Variants in EIF4A3 observed in about 807,000 individuals in gnomAD.
EIF4A3 encodes eukaryotic translation initiation factor 4A3.
Under a neutral mutation model 55.6 loss-of-function variants are expected in EIF4A3, and 1 was observed. The observed-to-expected ratio is 0.02, with a 90% CI of 0.01 to 0.09. EIF4A3 has a LOEUF of 0.09. Ranked by LOEUF, EIF4A3 falls within the 10% of genes least tolerant of loss-of-function variation. The pLI is 1.00. For missense variants in EIF4A3, 221 were observed against 540.7 expected (o/e 0.41, Z 5.86); for synonymous variants, 194 against 196.3 (o/e 0.99, Z 0.10).
intron 1 of EIF4A3, among the ~76,000 whole-genome samples, chr17:80,145,995 G>A (rs1461118322): frequency 1.3e-5 from 2 of 151,978 alleles, no homozygotes; most frequent in Non-Finnish European, 2.9e-5. Flanking sequence ...CAGACACCCA[G>A]AAGAATCTTT....
rs889915166 is a variant in EIF4A3, at chr17:80,134,556, G to GCT, written c.*932_*933dup. On this transcript the variant is annotated 3_prime_UTR_variant, in exon 12 of 12. Transcript: ENST00000649764. Reference sequence around the variant, plus strand: ...TAGAAAAATGAGGCCAGGCATGGTGGCTCACACCTGTTATCCCAGCACTTT... The same window carrying GCT: ...TAGAAAAATGAGGCCAGGCATGGTGGCTCTCACACCTGTTATCCCAGCACTTT... Among the ~76,000 whole-genome samples the GCT allele has an allele frequency of 1.2e-4, 19 of 152,046 alleles. No homozygotes were observed. The highest frequency in any genetic ancestry group is 4.6e-4 in the African/African-American group (19 of 41,388).
chr17:80,138,026 TG>T, intron 8 of EIF4A3, 115 bp downstream of exon 8: 1 of 1,376,886 alleles, frequency 7.3e-7, no homozygotes, highest in East Asian at 2.3e-5. Flanking sequence ...ACACATACCC[TG>T]AAAGCTTAAA....
chr17:80,142,608 G>T (rs993558708), intron 2 of EIF4A3, among the ~76,000 whole-genome samples: 1 of 152,168 alleles, frequency 6.6e-6, no homozygotes, highest in African/African-American at 2.4e-5. Flanking sequence ...AACCAGGAAC[G>T]GTGGCACATT....
In EIF4A3 at chr17:80,135,211, CAGT is replaced by C. The variant is rs1170663796; in HGVS notation, c.*276_*278del. On this transcript the variant is annotated 3_prime_UTR_variant, in exon 12 of 12. Transcript: ENST00000649764. ...GTGAGTGAAATGACCCAAGACTACA[CAGT>C]AAGTTACTAGAGAAGGTGGTGGCAC... 3 of 371,224 alleles carry C rather than the reference CAGT, an allele frequency of 8.1e-6. No individual in the cohort carries two copies. Among genetic ancestry groups the C allele is most frequent in the Non-Finnish European group, 1.4e-5 (3 of 207,090 alleles). 23.0% of individuals were successfully genotyped at this position (371,224 alleles called of 1,614,324 possible). A position where few individuals can be genotyped will look rare whatever the true frequency, so the allele number is the denominator to read the frequency against.
chr17:80,139,585 T>C, intron 6 of EIF4A3, 85 bp downstream of exon 6: 1 of 1,188,004 alleles, frequency 8.4e-7, no homozygotes, highest in East Asian at 2.4e-5. Context: ...TTCAGAACAG[T>C]CACTGGCTGT....
intron 7 of EIF4A3, chr17:80,138,743 T>C (rs1489647276): frequency 2.5e-6 from 1 of 407,990 alleles, no homozygotes; most frequent in African/African-American, 2.0e-5. Flanking sequence ...ACTATAGGCA[T>C]GTGCCGCCCT....
At chr17:80,139,771 ATACT>A (rs746500151) in intron 5 of EIF4A3, 21 bp from the exon 6 acceptor site, 17 of 1,607,292 alleles carry the variant, frequency 1.1e-5, no homozygotes, top group East Asian at 4.5e-5. Context: ...AGATTTTGAA[ATACT>A]TACGACAAAT....
chr17:80,138,372 A>G, intron 7 of EIF4A3, 92 bp from the exon 8 acceptor site: 1 of 1,501,074 alleles, frequency 6.7e-7, no homozygotes. Flanking sequence ...ACCCTGGTGG[A>G]AAAGGTCACA....
intron 2 of EIF4A3, among the ~76,000 whole-genome samples, chr17:80,142,161 A>G (rs150686057): frequency 6.4e-4 from 97 of 152,348 alleles, no homozygotes; most frequent in African/African-American, 2.1e-3. Context: ...TTTTCCTTCT[A>G]GGATTTTGGA....
rs568513503 is a variant in EIF4A3, at chr17:80,140,960, T to A, written c.372+359A>T. Among the ~76,000 whole-genome samples the A allele has an allele frequency of 2.6e-5, 4 of 152,136 alleles. No homozygotes were observed. In the South Asian group the frequency reaches 8.3e-4, roughly 32 times the overall value. ...ACAGGCGCCTGCCACCACGCCCAGC[T>A]AATTTTTTGTATTTTTAGTAGAGAC... On this transcript the variant is annotated intron_variant, in intron 4 of 11. Coordinates refer to ENST00000649764, the MANE Select transcript of EIF4A3 (RefSeq NM_014740.4).
At chr17:80,142,156 C>T (rs1347262604) in intron 2 of EIF4A3, among the ~76,000 whole-genome samples, 1 of 152,180 alleles carries the variant, frequency 6.6e-6, no homozygotes, top group Admixed American at 6.5e-5. Flanking sequence ...AACTCTTTTC[C>T]TTCTAGGATT....
chr17:80,135,543 C>CAAACAAAATGAAAATTTGTT, intron 11 of EIF4A3, 37 bp from the exon 12 acceptor site: 3 of 1,521,976 alleles, frequency 2.0e-6, no homozygotes, highest in Non-Finnish European at 2.7e-6. Flanking sequence ...AGGAACAACA[C>CAAACAAAATGAAAATTTGTT]AAACAAAATG....
At chr17:80,137,937 C>G (rs2039586294) in intron 8 of EIF4A3, among the ~76,000 whole-genome samples, 1 of 152,194 alleles carries the variant, frequency 6.6e-6, no homozygotes, top group Non-Finnish European at 1.5e-5. Context: ...GCTGATATCG[C>G]TGTTCTGTAA....
rs926415042 is a variant in EIF4A3 at position 80,134,517 on chromosome 17, CA to C, written c.*972del. Among the ~76,000 whole-genome samples the C allele has an allele frequency of 4.3e-4, 63 of 145,514 alleles. No individual in the cohort carries two copies. Among genetic ancestry groups the C allele is most frequent in the Admixed American group, 6.2e-4 (9 of 14,624 alleles). On this transcript the variant is annotated 3_prime_UTR_variant, in exon 12 of 12. Transcript: ENST00000649764. ...AGATCCTGGGCTCTCAAAAAAACAA[CA>C]AAAAAAAAAAATTAGAAAAATGAGG...
chr17:80,138,311 C>T lies in EIF4A3; in HGVS notation c.729-31G>A, dbSNP rs766794561. 8.1e-6 allele frequency: 13 copies of T among 1,610,552 alleles called. No homozygotes were observed. The South Asian group carries it at 1.1e-4, about 14-fold the overall frequency. On this transcript the variant is annotated intron_variant, in intron 7 of 11. Coordinates refer to ENST00000649764, the MANE Select transcript of EIF4A3 (RefSeq NM_014740.4). ...GGACAAAGACAAATCCTGTTACATA[C>T]TCATCCTTCCTTCTAGGACTTGAGG...
intron 7 of EIF4A3, 36 bp from the exon 8 acceptor site, chr17:80,138,316 C>T: frequency 1.2e-6 from 2 of 1,609,894 alleles, no homozygotes; most frequent in Non-Finnish European, 1.7e-6. Flanking sequence ...ACATACTCAT[C>T]CTTCCTTCTA....
Position 80,141,744 on chromosome 17 carries a change from G to T in EIF4A3, c.309+38C>A, listed in dbSNP as rs772591228. 17 of 1,570,700 alleles carry T rather than the reference G, an allele frequency of 1.1e-5. No individual in the cohort carries two copies. The South Asian group carries it at 1.9e-4, about 18-fold the overall frequency. ...CAGAAGAAAAAGCAAGTATTTCCTAGAATTACATAACAGTTTGTTTTAAGA... is the reference window on the plus strand; with the variant it reads ...CAGAAGAAAAAGCAAGTATTTCCTATAATTACATAACAGTTTGTTTTAAGA... On this transcript the variant is annotated intron_variant, in intron 3 of 11. Transcript: ENST00000649764.
rs751807674 is a variant in EIF4A3, at chr17:80,138,170, G to T, written c.839C>A (p.Ala280Glu). Residue 280 changes from alanine (A) to glutamate (E), a missense_variant, in exon 8 of 12, where the codon GCG becomes GAG. Coordinates refer to ENST00000649764, the MANE Select transcript of EIF4A3 (RefSeq NM_014740.4). ...DLYDTLTITQAVIFCNTKRKV... is the reference protein window; with the variant it reads ...DLYDTLTITQEVIFCNTKRKV... Reference sequence around the variant, plus strand: ...TCTTTTGGTGTTGCAGAAGATGACCGCCTGAGTGATGGTCAGTGTGTCGTA... The same window carrying T: ...TCTTTTGGTGTTGCAGAAGATGACCTCCTGAGTGATGGTCAGTGTGTCGTA... The T allele has an allele frequency of 6.2e-7, 1 of 1,614,062 alleles. No individual in the cohort carries two copies.
chr17:80,138,320 C>T, intron 7 of EIF4A3, 40 bp from the exon 8 acceptor site: 1 of 1,607,634 alleles, frequency 6.2e-7, no homozygotes, highest in Non-Finnish European at 8.5e-7. Context: ...ACTCATCCTT[C>T]CTTCTAGGAC....
Sources: allele counts gnomAD v4.1 joint callset (sites outside exome capture counted in the v4.1 genomes callset), GRCh38; gene constraint gnomAD v4.1.1; transcripts MANE v1.5; gene names NCBI Gene and HGNC (gene_info 2026-07-23, HGNC 2026-07-21).